BRD1: variants seen among roughly 807,000 people sequenced by gnomAD.
BRD1 encodes bromodomain containing 1, also known as bromodomain-containing protein 1.
A neutral mutation model predicts 107.7 loss-of-function variants in BRD1; 24 were observed. That is an observed-to-expected ratio of 0.22 (90% CI 0.16 to 0.31). The LOEUF is 0.31. Among genes scored for constraint, BRD1 ranks in the 10% least tolerant of loss-of-function variants. The probability of loss-of-function intolerance (pLI) is 1.00; values close to 1 mark genes in which losing one functional copy is unlikely to be tolerated. For synonymous variants in BRD1, 744 were observed against 686.1 expected (o/e 1.08, Z -1.32); for missense variants, 1,279 against 1,638.6 (o/e 0.78, Z 3.79).
At chr22:49,822,422 TA>T (rs1282156730) in intron 2 of BRD1, among the ~76,000 whole-genome samples, 153 of 138,390 alleles carry the variant, frequency 1.1e-3, no homozygotes, top group Non-Finnish European at 1.1e-3. Context: ...AAACCCTATT[TA>T]AAAAAAAAAA....
At chr22:49,815,670 C>T (rs934716806) in intron 2 of BRD1, among the ~76,000 whole-genome samples, 1 of 152,206 alleles carries the variant, frequency 6.6e-6, no homozygotes, top group Non-Finnish European at 1.5e-5. Flanking sequence ...ACAATCTGCA[C>T]TAAAACCCAG....
chr22:49,816,049 CCCACA>C (rs1252813847), intron 2 of BRD1, among the ~76,000 whole-genome samples: 1 of 152,178 alleles, frequency 6.6e-6, no homozygotes, highest in Non-Finnish European at 1.5e-5. Flanking sequence ...AACTCATGCA[CCCACA>C]CCGCCCGGGA....
chr22:49,781,261 G>A (rs957306362), intron 8 of BRD1, among the ~76,000 whole-genome samples: 15 of 152,152 alleles, frequency 9.9e-5, no homozygotes, highest in African/African-American at 1.9e-4. Context: ...CGCAGTCCCC[G>A]GAAGCCTGCC....
intron 2 of BRD1, among the ~76,000 whole-genome samples, chr22:49,822,653 T>G (rs2060089126): frequency 6.8e-6 from 1 of 148,088 alleles, no homozygotes; most frequent in Non-Finnish European, 1.5e-5. Flanking sequence ...GGGGTTGCAG[T>G]GAGCTGAGAT....
intron 6 of BRD1, among the ~76,000 whole-genome samples, chr22:49,795,041 ACT>A (rs1312432664): frequency 9.9e-5 from 15 of 151,994 alleles, no homozygotes; most frequent in Non-Finnish European, 4.4e-5. Context: ...AAACACATGA[ACT>A]CTCTTCATCT....
chr22:49,824,182 C>T lies in BRD1; in HGVS notation c.136G>A (p.Gly46Arg), dbSNP rs756024590. ...AQRMVEIEIE[G>R]RLHRISIFDP... ...AAAATACTGATCCTGTGCAAGCGCCCTTCAATTTCTATCTCTACCATCCTT... is the reference window on the plus strand; with the variant it reads ...AAAATACTGATCCTGTGCAAGCGCCTTTCAATTTCTATCTCTACCATCCTT... The change falls in exon 2 of 13, where the codon GGG becomes AGG. Residue 46 changes from glycine (G) to arginine (R), a missense_variant. Physicochemically the swap from Gly to Arg is moderately radical, Grantham distance 125 (BLOSUM62 -2). Coordinates refer to ENST00000404760, the MANE Select transcript of BRD1 (RefSeq NM_001304808.3). This position sits in a 1 kb window ranked among gnomAD's most constrained non-coding sequence, Gnocchi z 5.9. 3 of 1,613,984 alleles carry T rather than the reference C, an allele frequency of 1.9e-6. No homozygotes were observed. In the South Asian group the frequency reaches 3.3e-5, roughly 18 times the overall value.
chr22:49,819,771 T>C (rs963275023), intron 2 of BRD1, among the ~76,000 whole-genome samples: 1 of 152,014 alleles, frequency 6.6e-6, no homozygotes, highest in African/African-American at 2.4e-5. Context: ...AAAGTGTTTA[T>C]TTACCGCTGT....
At position 49,774,190 on chromosome 22, in the gene BRD1, C is replaced by A; in HGVS notation, c.*43G>T. ...TTGAACAATATACAAACATGTACAG[C>A]TTATCAACACTATGGACAAGACCCG... On this transcript the variant is annotated 3_prime_UTR_variant, in exon 13 of 13. Coordinates refer to ENST00000404760, the MANE Select transcript of BRD1 (RefSeq NM_001304808.3). 2 of 1,582,180 alleles carry A rather than the reference C, an allele frequency of 1.3e-6. No homozygotes were observed. The highest frequency in any genetic ancestry group is 1.7e-6 in the Non-Finnish European group (2 of 1,162,656).
intron 8 of BRD1, among the ~76,000 whole-genome samples, chr22:49,785,078 C>T (rs566659135): frequency 4.8e-4 from 73 of 152,366 alleles, no homozygotes; most frequent in African/African-American, 1.6e-3. Flanking sequence ...ACCGTCACCA[C>T]GGGAAGCCCG....
At chr22:49,777,633 G>C (rs1004861004) in intron 9 of BRD1, 45 bp downstream of exon 9, 1 of 1,584,580 alleles carries the variant, frequency 6.3e-7, no homozygotes, top group Non-Finnish European at 8.6e-7. Context: ...GGGGCGGGCG[G>C]TGCTGGGAGC....
At chr22:49,797,173 C>T (rs146087971) in intron 6 of BRD1, among the ~76,000 whole-genome samples, 4 of 152,314 alleles carry the variant, frequency 2.6e-5, no homozygotes, top group African/African-American at 4.8e-5. Flanking sequence ...GAGAAGGGTG[C>T]AGGTGACTAC....
Position 49,777,684 on chromosome 22 carries a change from T to G in BRD1, c.2987A>C (p.Asp996Ala), listed in dbSNP as rs2059127482. 6.2e-7 allele frequency: 1 copy of G among 1,606,244 alleles called. No individual in the cohort carries two copies. The highest frequency in any genetic ancestry group is 8.5e-7 in the Non-Finnish European group (1 of 1,177,658). ...SISSSNSPLC[D>A]SSFNAPKCGR... ...GCAGGGCCGCGGTGCCCACCTCGAG[T>G]CGCAGAGCGGGCTGTTGCTGGAGGA... The change falls in exon 9 of 13, where the codon GAC becomes GCC. Residue 996 changes from aspartate to alanine, a missense_variant. By Grantham distance (126) the Asp-to-Ala change is moderately radical (BLOSUM62 -2). This residue lies in a region of BRD1 where 263 missense variants were observed against 251.6 expected (regional missense o/e 1.05). Transcript: ENST00000404760.
intron 2 of BRD1, chr22:49,818,128 C>T: frequency 1.3e-6 from 1 of 752,936 alleles, no homozygotes; most frequent in Non-Finnish European, 1.7e-6. Flanking sequence ...AAAATGACAC[C>T]AGTGAAGGCG....
intron 8 of BRD1, among the ~76,000 whole-genome samples, chr22:49,784,515 C>T (rs552699517): frequency 5.9e-5 from 9 of 152,364 alleles, no homozygotes; most frequent in East Asian, 1.9e-4. Context: ...ACAGCACAGC[C>T]GGCCCGCGGG....
Position 49,823,039 on chromosome 22 carries a change from T to A in BRD1, c.1279A>T (p.Arg427Trp). 2 of 1,614,250 alleles carry A rather than the reference T, an allele frequency of 1.2e-6. No homozygotes were observed. The highest frequency in any genetic ancestry group is 1.7e-6 in the Non-Finnish European group (2 of 1,180,046). ...TTCTTAGCCTTTTTTGCCTTCTTCC[T>A]GACCTTGGATGTGGACCTGACCGTT... ...VKTVRSTSKV[R>W]KKAKKAKKAL... Residue 427 changes from arginine to tryptophan, a missense_variant, in exon 2 of 13, where the codon AGG becomes TGG. This residue lies in a region of BRD1 where 87 missense variants were observed against 77.1 expected (regional missense o/e 1.13). Transcript: ENST00000404760.
At chr22:49,799,770 C>G (rs1319822119) in intron 3 of BRD1, among the ~76,000 whole-genome samples, 1 of 152,244 alleles carries the variant, frequency 6.6e-6, no homozygotes, top group Non-Finnish European at 1.5e-5. Flanking sequence ...AACATCCACA[C>G]CAGGGTGATC....
At position 49,824,228 on chromosome 22, in the gene BRD1, C is replaced by T. The variant is rs566667007; in HGVS notation, c.90G>A (p.Thr30=). ...TCCTTTGAGCTTGAGCGTAGGTCAG[C>T]GTTTCTCGCGTAGGGGAGTGTTTAA... The part of the protein sequence containing the change: ...CSVKHSPTRE[T]LTYAQAQRMV... Residue 30 remains threonine, a synonymous_variant, in exon 2 of 13, where the codon ACG becomes ACA. Coordinates refer to ENST00000404760, the MANE Select transcript of BRD1 (RefSeq NM_001304808.3). The surrounding 1 kb of genome is among the most constrained non-coding windows in gnomAD (Gnocchi z 5.9). 45 of 1,613,978 alleles carry T rather than the reference C, an allele frequency of 2.8e-5. No individual in the cohort carries two copies. Among genetic ancestry groups the T allele is most frequent in the African/African-American group, 6.7e-5 (5 of 75,042 alleles).
At chr22:49,806,584 C>G (rs1183314204) in intron 2 of BRD1, 1 of 152,154 alleles carries the variant, frequency 6.6e-6, no homozygotes, top group African/African-American at 2.4e-5. Context: ...ATATGACAAC[C>G]ACAGAAAGCA....
rs528021579 is a variant in BRD1, at chr22:49,776,231, G to A, written c.3122-72C>T. ...GGCACGCCCCGCCCCCCCACAAAAG[G>A]TGCAGCAACAGGGTGGGTCCCCCGA... On this transcript the variant is annotated intron_variant, in intron 10 of 12. Coordinates refer to ENST00000404760, the MANE Select transcript of BRD1 (RefSeq NM_001304808.3). 44 of 1,386,512 alleles carry A rather than the reference G, an allele frequency of 3.2e-5. 1 individual carries two copies. The highest frequency in any genetic ancestry group is 2.5e-4 in the South Asian group (21 of 82,494). 85.9% of individuals were successfully genotyped at this position (1,386,512 alleles called of 1,614,324 possible). A position where few individuals can be genotyped will look rare whatever the true frequency, so the allele number is the denominator to read the frequency against.
Sources: allele counts gnomAD v4.1 joint callset (sites outside exome capture counted in the v4.1 genomes callset), GRCh38; gene constraint gnomAD v4.1.1; regional missense constraint gnomAD v4.1.1; non-coding constraint Gnocchi (gnomAD v3.1); transcripts MANE v1.5; gene names NCBI Gene and HGNC (gene_info 2026-07-23, HGNC 2026-07-21).